Variants in NOL4L observed in about 807,000 individuals in gnomAD.
The protein encoded by NOL4L is nucleolar protein 4-like.
A neutral mutation model predicts 64.5 loss-of-function variants in NOL4L; 7 were observed. That is an observed-to-expected ratio of 0.11 (90% CI 0.06 to 0.20). NOL4L has a LOEUF of 0.20. Among genes scored for constraint, NOL4L ranks in the 10% least tolerant of loss-of-function variants. NOL4L has a pLI of 1.00. For synonymous variants in NOL4L, 413 were observed against 401.0 expected (o/e 1.03, Z -0.36); for missense variants, 680 against 967.1 (o/e 0.70, Z 3.94).
In NOL4L at chr20:32,580,963, G is replaced by A. The variant is rs561738999; in HGVS notation, c.321+3607C>T. Among the ~76,000 whole-genome samples, 10 of 152,342 alleles carry A rather than the reference G, an allele frequency of 6.6e-5. No homozygotes were observed. In the South Asian group the frequency reaches 1.5e-3, roughly 22 times the overall value. On this transcript the variant is annotated intron_variant, in intron 1 of 10. Transcript: ENST00000621426. ...GTTGTTTTACTTTGTGGCCAATGCC[G>A]GAACGGAATTGGAGGGTCTTGTCTC...
chr20:32,473,031 C>T (rs751326038), intron 5 of NOL4L, among the ~76,000 whole-genome samples: 56 of 152,324 alleles, frequency 3.7e-4, no homozygotes, highest in East Asian at 1.5e-3. Context: ...CTGTCAGCTA[C>T]CTGATCCTGA....
intron 1 of NOL4L, among the ~76,000 whole-genome samples, chr20:32,546,082 G>A (rs1467838096): frequency 6.7e-6 from 1 of 148,412 alleles, no homozygotes; most frequent in East Asian, 2.0e-4. Context: ...CCAGTAGCTG[G>A]GATTACAGGC....
At position 32,460,914 on chromosome 20, in the gene NOL4L, C is replaced by T. The variant is rs550118606; in HGVS notation, c.842-4519G>A. Among the ~76,000 whole-genome samples, 5 of 152,322 alleles carry T rather than the reference C, an allele frequency of 3.3e-5. No individual in the cohort carries two copies. The East Asian group carries it at 5.8e-4, about 18-fold the overall frequency. ...TGAGCCATGGTGTCTCCCCTACTCT[C>T]GGCGACTCCTGCTCGCCCTTCTGTG... is the stretch of plus-strand genomic sequence containing the variant. On this transcript the variant is annotated intron_variant, in intron 5 of 10. Transcript: ENST00000621426. The surrounding 1 kb of genome is among the most constrained non-coding windows in gnomAD (Gnocchi z 5.7).
In NOL4L at chr20:32,465,160, C is replaced by A. The variant is rs562496857; in HGVS notation, c.842-8765G>T. On this transcript the variant is annotated intron_variant, in intron 5 of 10. Transcript: ENST00000621426. ...CTTCAGTGGAGGGGGAGGTGGACAC[C>A]AATTATGCGTCAGGTCCCGAGTGTC... 29 of 480,866 alleles carry A rather than the reference C, an allele frequency of 6.0e-5. No individual in the cohort carries two copies. The East Asian group carries it at 1.0e-3, about 17-fold the overall frequency. The allele number at this position is 480,866 out of a possible 1,614,324, so 29.8% of individuals were successfully genotyped here. A position where few individuals can be genotyped will look rare whatever the true frequency, so the allele number is the denominator to read the frequency against.
chr20:32,528,048 C>A, intron 1 of NOL4L, 135 bp from the exon 2 acceptor site: 2 of 528,140 alleles, frequency 3.8e-6, no homozygotes, highest in African/African-American at 2.0e-5. Context: ...GGGAGGGAGC[C>A]TACCGAGGGG....
At chr20:32,540,939 C>T (rs970749534) in intron 1 of NOL4L, among the ~76,000 whole-genome samples, 2 of 151,700 alleles carry the variant, frequency 1.3e-5, no homozygotes, top group Non-Finnish European at 2.9e-5. Context: ...AAGAGGCCCA[C>T]AGTCTGTAGG....
chr20:32,513,728 GGTGGCAC>G (rs1201888293), intron 3 of NOL4L, among the ~76,000 whole-genome samples: 1 of 152,142 alleles, frequency 6.6e-6, no homozygotes, highest in Non-Finnish European at 1.5e-5. Context: ...AGCTGGGTGT[GGTGGCAC>G]GTGCCTGAAG....
chr20:32,490,674 G>A (rs546411345), intron 4 of NOL4L, among the ~76,000 whole-genome samples: 3 of 152,058 alleles, frequency 2.0e-5, no homozygotes, highest in African/African-American at 7.2e-5. Context: ...TTTCCATTAC[G>A]AATACAACTA....
At chr20:32,535,463 A>AT (rs2018489642) in intron 1 of NOL4L, 1 of 371,292 alleles carries the variant, frequency 2.7e-6, no homozygotes, top group African/African-American at 2.2e-5. Context: ...CTTGTGCACA[A>AT]TCTCCAACTG....
At chr20:32,512,876 C>G (rs2017471529) in intron 3 of NOL4L, among the ~76,000 whole-genome samples, 1 of 152,178 alleles carries the variant, frequency 6.6e-6, no homozygotes, top group Non-Finnish European at 1.5e-5. Flanking sequence ...CTGCAGGGGA[C>G]ATCTTTGTGC....
At chr20:32,454,398 G>A (rs901363030) in intron 6 of NOL4L, among the ~76,000 whole-genome samples, 1 of 152,202 alleles carries the variant, frequency 6.6e-6, no homozygotes, top group African/African-American at 2.4e-5. Flanking sequence ...TTGAGAATAT[G>A]CGGGTAGAAA....
At chr20:32,573,067 C>T (rs148904622) in intron 1 of NOL4L, among the ~76,000 whole-genome samples, 156 of 150,380 alleles carry the variant, frequency 1.0e-3, no homozygotes, top group African/African-American at 3.6e-3. Flanking sequence ...GACAGGGTCT[C>T]GCTGTCACCC....
chr20:32,483,839 A>G (rs1449020927), intron 4 of NOL4L, among the ~76,000 whole-genome samples: 2 of 93,806 alleles, frequency 2.1e-5, no homozygotes, highest in South Asian at 4.2e-4. Flanking sequence ...GGGGGAGAAG[A>G]GGAGGAAGGA....
At chr20:32,582,778 C>CGTG (rs1374152811) in intron 1 of NOL4L, among the ~76,000 whole-genome samples, 4 of 152,176 alleles carry the variant, frequency 2.6e-5, no homozygotes, top group Admixed American at 6.5e-5. Flanking sequence ...CCAACCATCT[C>CGTG]GTGGGTCACT....
Position 32,536,178 on chromosome 20 carries a change from C to G in NOL4L, c.322-8265G>C, listed in dbSNP as rs551010361. 1.3e-5 allele frequency: 13 copies of G among 985,620 alleles called. No individual in the cohort carries two copies. In the South Asian group the frequency reaches 5.2e-4, roughly 39 times the overall value. The allele number at this position is 985,620 out of a possible 1,614,324, so 61.1% of individuals were successfully genotyped here. A position where few individuals can be genotyped will look rare whatever the true frequency, so the allele number is the denominator to read the frequency against. On this transcript the variant is annotated intron_variant, in intron 1 of 10. Coordinates refer to ENST00000621426, the MANE Select transcript of NOL4L (RefSeq NM_001256798.2). ...GACACCCATTAAAGAGCTCTGTCTG[C>G]TACTCTGGCGACCCGCCTCCCGGGG...
chr20:32,575,171 T>C (rs1360142249), intron 1 of NOL4L, among the ~76,000 whole-genome samples: 1 of 152,074 alleles, frequency 6.6e-6, no homozygotes, highest in Admixed American at 6.5e-5. Flanking sequence ...TCCTGTGAGC[T>C]CCCTGCTGTG....
chr20:32,447,428 AAG>A lies in NOL4L; in HGVS notation c.*166_*167del. ...CAAAAAAAAAAAAAAAAAAAAAAAA[AAG>A]TGTCCTTGTGCCCAAAGTCTCAGGT... is the stretch of plus-strand genomic sequence containing the variant. On this transcript the variant is annotated 3_prime_UTR_variant, in exon 11 of 11. Transcript: ENST00000621426. 1.2e-6 allele frequency: 1 copy of A among 802,570 alleles called. No individual in the cohort carries two copies. The highest frequency in any genetic ancestry group is 1.9e-5 in the South Asian group (1 of 52,602). The allele number at this position is 802,570 out of a possible 1,614,324, so 49.7% of individuals were successfully genotyped here. A position where few individuals can be genotyped will look rare whatever the true frequency, so the allele number is the denominator to read the frequency against.
rs1462846604 is a variant in NOL4L at position 32,527,693 on chromosome 20, C to T, written c.477+65G>A. ...CCCCGCCCCCCAAGCCCAACATGTG[C>T]GGAGCCCGTGGCCTCCTGCCAAGGC... is the stretch of plus-strand genomic sequence containing the variant. On this transcript the variant is annotated intron_variant, in intron 2 of 10. Coordinates refer to ENST00000621426, the MANE Select transcript of NOL4L (RefSeq NM_001256798.2). The T allele has an allele frequency of 2.2e-5, 32 of 1,485,112 alleles. No homozygotes were observed. In the South Asian group the frequency reaches 2.7e-4, roughly 12 times the overall value. The allele number at this position is 1,485,112 out of a possible 1,614,324, so 92.0% of individuals were successfully genotyped here.
chr20:32,546,274 G>A (rs1802744633), intron 1 of NOL4L, among the ~76,000 whole-genome samples: 1 of 150,352 alleles, frequency 6.7e-6, no homozygotes, highest in African/African-American at 2.5e-5. Flanking sequence ...CGAGGGGATG[G>A]AGTTTTGCTC....
Sources: gnomAD v4.1 joint callset for allele counts (sites outside exome capture counted in the v4.1 genomes callset) on GRCh38, gnomAD v4.1.1 for gene constraint, Gnocchi (gnomAD v3.1) non-coding constraint, MANE v1.5 for transcripts, NCBI Gene and HGNC (gene_info 2026-07-23, HGNC 2026-07-21) for gene names.